Variants in PLCL2 observed in about 807,000 individuals in gnomAD.
PLCL2 encodes the protein phospholipase C like 2.
A neutral mutation model predicts 79.6 loss-of-function variants in PLCL2; 4 were observed. The ratio of observed to expected loss-of-function variants is 0.05; its 90% CI spans 0.02 to 0.11. The LOEUF (loss-of-function observed/expected upper bound fraction) is 0.11, where lower values mean the gene tolerates loss of function less well. Among genes scored for constraint, PLCL2 ranks in the 10% least tolerant of loss-of-function variants. The pLI is 1.00. For synonymous variants in PLCL2, 484 were observed against 457.7 expected (o/e 1.06, Z -0.73); for missense variants, 895 against 1,291.0 (o/e 0.69, Z 4.70).
In PLCL2 at chr3:17,023,960, T is replaced by C. The variant is rs139486672; in HGVS notation, c.3018+9049T>C. 1.6e-3 allele frequency among the ~76,000 whole-genome samples: 248 copies of C among 152,314 alleles called. 1 individual carries two copies. The highest frequency in any genetic ancestry group is 5.6e-3 in the African/African-American group (234 of 41,570). On this transcript the variant is annotated intron_variant, in intron 3 of 5. Transcript: ENST00000615277. ...ACCATCCCCATCACACTTGTGAGACTGTTGAAGCCACCCAGCCTGCAGCCT... is the reference window on the plus strand; with the variant it reads ...ACCATCCCCATCACACTTGTGAGACCGTTGAAGCCACCCAGCCTGCAGCCT...
chr3:16,892,024 C>T (rs930587600), intron 1 of PLCL2, among the ~76,000 whole-genome samples: 2 of 152,246 alleles, frequency 1.3e-5, no homozygotes, highest in African/African-American at 2.4e-5. Context: ...TTTATGAAAA[C>T]ACCTAGTTTA....
intron 1 of PLCL2, among the ~76,000 whole-genome samples, chr3:16,952,896 A>T (rs1231804849): frequency 6.6e-6 from 1 of 152,102 alleles, no homozygotes; most frequent in Admixed American, 6.6e-5. Context: ...GGATGTGTTA[A>T]AATTTTGAGT....
intron 4 of PLCL2, among the ~76,000 whole-genome samples, chr3:17,044,819 A>G (rs1311002820): frequency 6.6e-6 from 1 of 152,226 alleles, no homozygotes; most frequent in Non-Finnish European, 1.5e-5. Context: ...GATAATTTTC[A>G]GTATAATGTG....
chr3:16,908,791 T>G (rs1696808168), intron 1 of PLCL2, among the ~76,000 whole-genome samples: 1 of 152,218 alleles, frequency 6.6e-6, no homozygotes, highest in African/African-American at 2.4e-5. Context: ...GTGCTGGGCT[T>G]AAAAATAGCT....
chr3:16,981,262 A>G (rs988897293), intron 1 of PLCL2, among the ~76,000 whole-genome samples: 71 of 152,236 alleles, frequency 4.7e-4, no homozygotes, highest in Non-Finnish European at 5.3e-4. Context: ...CAAAAATGGA[A>G]GCAAGTACAT....
intron 1 of PLCL2, among the ~76,000 whole-genome samples, chr3:16,962,167 C>G (rs143983415): frequency 6.6e-6 from 1 of 152,002 alleles, no homozygotes; most frequent in Non-Finnish European, 1.5e-5. Context: ...AAGGAATAGA[C>G]AGTTGAAAGA....
intron 3 of PLCL2, among the ~76,000 whole-genome samples, chr3:17,024,656 T>C (rs2064495137): frequency 6.6e-6 from 1 of 152,208 alleles, no homozygotes; most frequent in Non-Finnish European, 1.5e-5. Context: ...TGGTAATTTG[T>C]ATGTCTTTAT....
intron 3 of PLCL2, among the ~76,000 whole-genome samples, chr3:17,017,526 G>A (rs982333594): frequency 1.3e-5 from 2 of 151,986 alleles, no homozygotes; most frequent in South Asian, 4.2e-4. Context: ...TGTACTAAAG[G>A]TCTCGGACAG....
chr3:16,919,043 C>T (rs559306434), intron 1 of PLCL2, among the ~76,000 whole-genome samples: 4 of 152,178 alleles, frequency 2.6e-5, no homozygotes, highest in African/African-American at 9.6e-5. Flanking sequence ...CAGTTGTTAA[C>T]CATAATACTT....
At chr3:16,961,393 C>A (rs1000907666) in intron 1 of PLCL2, among the ~76,000 whole-genome samples, 3 of 152,246 alleles carry the variant, frequency 2.0e-5, no homozygotes, top group African/African-American at 7.2e-5. Flanking sequence ...CTTAGTCTAC[C>A]GATAGAGACT....
At chr3:16,919,531 A>G (rs1402971732) in intron 1 of PLCL2, among the ~76,000 whole-genome samples, 1 of 151,356 alleles carries the variant, frequency 6.6e-6, no homozygotes, top group Non-Finnish European at 1.5e-5. Flanking sequence ...TTAATTTCTG[A>G]TGTTATCTTT....
At chr3:16,997,720 A>G (rs2064168135) in intron 1 of PLCL2, among the ~76,000 whole-genome samples, 1 of 151,730 alleles carries the variant, frequency 6.6e-6, no homozygotes, top group African/African-American at 2.4e-5. Context: ...TTGTATTTTT[A>G]GTAGAGATGG....
In PLCL2 at chr3:16,887,428, T is replaced by C. The variant is rs1460188111; in HGVS notation, c.327+2062T>C. ...TTTTGGATTTACCAGTCCCATATTTTGTTCATTGTATTGTACCTCCAAAGA... is the reference window on the plus strand; with the variant it reads ...TTTTGGATTTACCAGTCCCATATTTCGTTCATTGTATTGTACCTCCAAAGA... On this transcript the variant is annotated intron_variant, in intron 1 of 5. Coordinates refer to ENST00000615277, the MANE Select transcript of PLCL2 (RefSeq NM_001144382.2). The surrounding 1 kb of genome is among the most constrained non-coding windows in gnomAD (Gnocchi z 4.1). Among the ~76,000 whole-genome samples, 2 of 152,254 alleles carry C rather than the reference T, an allele frequency of 1.3e-5. No homozygotes were observed. The highest frequency in any genetic ancestry group is 4.8e-5 in the African/African-American group (2 of 41,472).
At chr3:16,940,014 C>A (rs1045613947) in intron 1 of PLCL2, among the ~76,000 whole-genome samples, 1 of 152,154 alleles carries the variant, frequency 6.6e-6, no homozygotes, top group Non-Finnish European at 1.5e-5. Flanking sequence ...CAGTGGCATT[C>A]AAAGCCCTAA....
At chr3:16,973,852 A>G (rs879364627) in intron 1 of PLCL2, among the ~76,000 whole-genome samples, 1 of 152,242 alleles carries the variant, frequency 6.6e-6, no homozygotes, top group Non-Finnish European at 1.5e-5. Flanking sequence ...GACATTCATT[A>G]TATAATGAGA....
intron 5 of PLCL2, among the ~76,000 whole-genome samples, chr3:17,084,632 A>G (rs193262561): frequency 1.3e-5 from 2 of 152,328 alleles, no homozygotes; most frequent in East Asian, 3.9e-4. Context: ...ACTTTTGAAA[A>G]TCAACTAATG....
chr3:17,053,638 T>C (rs1200431510), intron 4 of PLCL2, among the ~76,000 whole-genome samples: 1 of 152,184 alleles, frequency 6.6e-6, no homozygotes, highest in Non-Finnish European at 1.5e-5. Flanking sequence ...GCAAGTCCCT[T>C]CCACCTATAA....
At chr3:17,035,675 G>C in intron 3 of PLCL2, 1 of 431,166 alleles carries the variant, frequency 2.3e-6, no homozygotes, top group East Asian at 7.5e-5. Context: ...AAATTGTCAA[G>C]GGTTTGTGAT....
At chr3:16,926,636 CCTT>C (rs1697258524) in intron 1 of PLCL2, among the ~76,000 whole-genome samples, 3 of 151,824 alleles carry the variant, frequency 2.0e-5, no homozygotes, top group Admixed American at 2.0e-4. Flanking sequence ...ATAATCAAAA[CCTT>C]TTTTTTTTTT....
Sources: allele counts gnomAD v4.1 joint callset (sites outside exome capture counted in the v4.1 genomes callset), GRCh38; gene constraint gnomAD v4.1.1; non-coding constraint Gnocchi (gnomAD v3.1); transcripts MANE v1.5; gene names NCBI Gene and HGNC (gene_info 2026-07-23, HGNC 2026-07-21).